The following C1orf105 variants were observed in gnomAD, a reference collection of about 807,000 sequenced individuals.
C1orf105 encodes the protein chromosome 1 open reading frame 105.
Under a neutral mutation model 20.8 loss-of-function variants are expected in C1orf105, and 17 were observed. The observed-to-expected ratio is 0.82, with a 90% CI of 0.56 to 1.23. C1orf105 has a LOEUF of 1.23. Among genes scored for constraint, C1orf105 ranks in the 50% most tolerant of loss-of-function variants. The pLI is 0.00. For missense variants in C1orf105, 219 were observed against 213.5 expected (o/e 1.03, Z -0.16); for synonymous variants, 72 against 72.1 (o/e 1.00, Z 0.01).
At chr1:172,433,481 G>A (rs1463570975) in intron 1 of C1orf105, among the ~76,000 whole-genome samples, 1 of 152,156 alleles carries the variant, frequency 6.6e-6, no homozygotes, top group Non-Finnish European at 1.5e-5. Flanking sequence ...TTTCAACCCA[G>A]AACTTCATAT....
At chr1:172,466,852 G>A (rs2001132) in intron 6 of C1orf105, among the ~76,000 whole-genome samples, 119,324 of 152,050 alleles carry the variant, frequency 0.78, 47,086 homozygotes, top group East Asian at 1. Context: ...GACTACAGGG[G>A]GAATAGTTGT....
At chr1:172,466,874 G>C (rs971941008) in intron 6 of C1orf105, among the ~76,000 whole-genome samples, 8 of 152,146 alleles carry the variant, frequency 5.3e-5, no homozygotes, top group African/African-American at 1.9e-4. Context: ...AAACTGGCTA[G>C]GAGCTGAAGC....
At chr1:172,454,789 T>A (rs1649055919) in intron 3 of C1orf105, among the ~76,000 whole-genome samples, 1 of 152,120 alleles carries the variant, frequency 6.6e-6, no homozygotes, top group Admixed American at 6.5e-5. Context: ...CACTGGAGCC[T>A]CGATATATTT....
intron 3 of C1orf105, among the ~76,000 whole-genome samples, chr1:172,455,523 G>C (rs1021123030): frequency 3.3e-5 from 5 of 152,220 alleles, no homozygotes; most frequent in African/African-American, 1.2e-4. Flanking sequence ...AATGAGGAAG[G>C]TTAAGAGAGA....
At chr1:172,452,604 G>A (rs2285176) in intron 3 of C1orf105, among the ~76,000 whole-genome samples, 59,980 of 152,152 alleles carry the variant, frequency 0.39, 14,468 homozygotes, top group East Asian at 0.65. Context: ...TTTACCAAGG[G>A]TTCAAGAAGG....
At chr1:172,426,868 T>C (rs2071736948) in intron 1 of C1orf105, among the ~76,000 whole-genome samples, 1 of 152,178 alleles carries the variant, frequency 6.6e-6, no homozygotes, top group Non-Finnish European at 1.5e-5. Flanking sequence ...CTGTCTCCCT[T>C]GCCCTTCTCT....
chr1:172,449,545 G>A (rs2149177973), intron 3 of C1orf105, among the ~76,000 whole-genome samples: 1 of 152,316 alleles, frequency 6.6e-6, no homozygotes, highest in South Asian at 2.1e-4. Context: ...GACTGAGTGT[G>A]CAGGAGGAAA....
At chr1:172,449,128 C>T (rs2301455) in intron 3 of C1orf105, among the ~76,000 whole-genome samples, 68,849 of 152,028 alleles carry the variant, frequency 0.45, 18,419 homozygotes, top group East Asian at 0.65. Context: ...CCTGAAGCAG[C>T]GTCCTAAGGC....
rs1650248988 is a variant in C1orf105 at position 172,468,761 on chromosome 1, T to A, written c.*167T>A. On this transcript the variant is annotated 3_prime_UTR_variant, in exon 7 of 7. Coordinates refer to ENST00000367727, the MANE Select transcript of C1orf105 (RefSeq NM_139240.4). Reference sequence around the variant, plus strand: ...ATTCTAGCTCTTACCTCTATGTTCTTTCTCACGTCTCCTAAAGACAAAATT... The same window carrying A: ...ATTCTAGCTCTTACCTCTATGTTCTATCTCACGTCTCCTAAAGACAAAATT... 1 of 604,782 alleles carries A rather than the reference T, an allele frequency of 1.7e-6. No individual in the cohort carries two copies. The allele number at this position is 604,782 out of a possible 1,614,324, so 37.5% of individuals were successfully genotyped here.
At chr1:172,461,803 G>C (rs911237961) in intron 4 of C1orf105, among the ~76,000 whole-genome samples, 19 of 152,186 alleles carry the variant, frequency 1.2e-4, no homozygotes, top group Admixed American at 1.3e-4. Flanking sequence ...AAGGTTATGA[G>C]TATTTTGATC....
In C1orf105 at chr1:172,465,378, A is replaced by G; in HGVS notation, c.406+15A>G. The G allele has an allele frequency of 6.3e-7, 1 of 1,578,712 alleles. No individual in the cohort carries two copies. The highest frequency in any genetic ancestry group is 8.7e-7 in the Non-Finnish European group (1 of 1,147,908). ...CATCCCAACAGGTTTGCTTTCTTTT[A>G]GAGTACTTATAGTGTGAAACACACT... is the stretch of plus-strand genomic sequence containing the variant. On this transcript the variant is annotated intron_variant, in intron 6 of 6. Transcript: ENST00000367727.
chr1:172,462,722 C>A (rs1649783188), intron 5 of C1orf105, among the ~76,000 whole-genome samples: 1 of 151,956 alleles, frequency 6.6e-6, no homozygotes, highest in African/African-American at 2.4e-5. Context: ...GATATAAAAT[C>A]CAATTGGAAT....
At chr1:172,453,516 G>A (rs763267428) in intron 3 of C1orf105, among the ~76,000 whole-genome samples, 11 of 152,070 alleles carry the variant, frequency 7.2e-5, no homozygotes, top group Non-Finnish European at 1.5e-4. Context: ...TGTATTTTTC[G>A]TTTTATATAT....
chr1:172,465,340 C>T lies in C1orf105; in HGVS notation c.383C>T (p.Pro128Leu), dbSNP rs772580384. ...HQPKFQTTPE[P>L]FHDDIPTESI... ...CCCAAATTCCAGACTACACCTGAGC[C>T]TTTCCATGATGACATCCCAACAGGT... is the stretch of plus-strand genomic sequence containing the variant. Residue 128 changes from proline to leucine, a missense_variant, in exon 6 of 7, where the codon CCT (proline) becomes CTT (leucine). Pro to Leu is a moderately conservative substitution (Grantham distance 98, BLOSUM62 -3). Coordinates refer to ENST00000367727, the MANE Select transcript of C1orf105 (RefSeq NM_139240.4). 1 of 1,612,874 alleles carries T rather than the reference C, an allele frequency of 6.2e-7. No individual in the cohort carries two copies. The highest frequency in any genetic ancestry group is 8.5e-7 in the Non-Finnish European group (1 of 1,178,836).
intron 2 of C1orf105, among the ~76,000 whole-genome samples, chr1:172,446,978 C>T (rs1193993386): frequency 6.6e-6 from 1 of 152,140 alleles, no homozygotes; most frequent in Non-Finnish European, 1.5e-5. Context: ...AATATACCTA[C>T]CTCACAACAA....
chr1:172,437,757 T>TAAA (rs946454216), intron 1 of C1orf105, among the ~76,000 whole-genome samples: 7 of 145,694 alleles, frequency 4.8e-5, no homozygotes, highest in Non-Finnish European at 1.1e-4. Context: ...ATAATAATAA[T>TAAA]AAACAAAACG....
In C1orf105 at chr1:172,468,429, C is replaced by A; in HGVS notation, c.407-20C>A. The A allele has an allele frequency of 6.3e-7, 1 of 1,594,286 alleles. No individual in the cohort carries two copies. Among genetic ancestry groups the A allele is most frequent in the South Asian group, 1.1e-5 (1 of 88,256 alleles). On this transcript the variant is annotated intron_variant, in intron 6 of 6. Transcript: ENST00000367727. ...TCTAAGTAGTCCTTATCCTTCTTTC[C>A]TTCTTGTACTGTCATCCAGAAAGCA...
intron 1 of C1orf105, among the ~76,000 whole-genome samples, chr1:172,432,994 G>A (rs1005210877): frequency 3.3e-5 from 5 of 152,196 alleles, no homozygotes; most frequent in Non-Finnish European, 2.9e-5. Flanking sequence ...TAGCCGATTT[G>A]ATCAAGTGGA....
At chr1:172,425,452 GA>G (rs890750798) in intron 1 of C1orf105, among the ~76,000 whole-genome samples, 1 of 151,652 alleles carries the variant, frequency 6.6e-6, no homozygotes, top group Non-Finnish European at 1.5e-5. Flanking sequence ...GTTACGAAAG[GA>G]AAAAAAAGCA....
Sources: allele counts gnomAD v4.1 joint callset (sites outside exome capture counted in the v4.1 genomes callset), GRCh38; gene constraint gnomAD v4.1.1; transcripts MANE v1.5; gene names NCBI Gene and HGNC (gene_info 2026-07-23, HGNC 2026-07-21).